Variants in VAC14 observed in about 807,000 individuals in gnomAD.
The protein encoded by VAC14 is VAC14 component of PIKFYVE complex, also known as protein VAC14 homolog.
A neutral mutation model predicts 85.3 loss-of-function variants in VAC14; 47 were observed. The observed-to-expected ratio is 0.55, with a 90% confidence interval of 0.44 to 0.70. The LOEUF (loss-of-function observed/expected upper bound fraction) is 0.70, where lower values mean the gene tolerates loss of function less well. VAC14 is among the 30% of genes least tolerant of loss of function. The probability of loss-of-function intolerance (pLI) is 0.00; values close to 1 mark genes in which losing one functional copy is unlikely to be tolerated. For missense variants in VAC14, 861 were observed against 1,004.3 expected (o/e 0.86, Z 1.93); for synonymous variants, 447 against 430.5 (o/e 1.04, Z -0.47).
chr16:70,799,762 C>T (rs529865375), intron 1 of VAC14, among the ~76,000 whole-genome samples: 1 of 152,292 alleles, frequency 6.6e-6, no homozygotes, highest in South Asian at 2.1e-4. Context: ...GAATGAATGT[C>T]ACACCACGGA....
At chr16:70,710,300 G>A (rs898627083) in intron 14 of VAC14, among the ~76,000 whole-genome samples, 1 of 152,238 alleles carries the variant, frequency 6.6e-6, no homozygotes, top group Non-Finnish European at 1.5e-5. Flanking sequence ...ATTCCCTGCA[G>A]CTTGTATGCC....
chr16:70,778,272 C>T (rs1276786531), intron 9 of VAC14, among the ~76,000 whole-genome samples: 1 of 152,178 alleles, frequency 6.6e-6, no homozygotes, highest in Non-Finnish European at 1.5e-5. Flanking sequence ...TACCACTGAA[C>T]CACCAATGCT....
intron 13 of VAC14, among the ~76,000 whole-genome samples, chr16:70,743,294 A>T (rs2030539428): frequency 6.6e-6 from 1 of 152,244 alleles, no homozygotes. Context: ...AAAATGGACT[A>T]ATCAGCACTC....
intron 13 of VAC14, among the ~76,000 whole-genome samples, chr16:70,732,017 CAA>C (rs2054605759): frequency 6.6e-6 from 1 of 152,106 alleles, no homozygotes; most frequent in Non-Finnish European, 1.5e-5. Flanking sequence ...GAAATACACT[CAA>C]GATCTATTTG....
intron 16 of VAC14, 128 bp downstream of exon 16, chr16:70,697,011 C>G (rs2053725716): frequency 1.4e-6 from 1 of 728,798 alleles, no homozygotes; most frequent in African/African-American, 1.7e-5. Flanking sequence ...GTCACAAGCC[C>G]TGAGGCTGAG....
rs1060499667 is a variant in VAC14 at position 70,697,199 on chromosome 16, G to A, written c.1895C>T (p.Thr632Met). The A allele has an allele frequency of 5.6e-6, 9 of 1,613,910 alleles. No homozygotes were observed. Among genetic ancestry groups the A allele is most frequent in the Admixed American group, 3.3e-5 (2 of 60,000 alleles). Residue 632 changes from threonine (T) to methionine (M), a missense_variant, in exon 16 of 19, where the codon ACG (threonine) becomes ATG (methionine). Coordinates refer to ENST00000261776, the MANE Select transcript of VAC14 (RefSeq NM_018052.5). Reference sequence around the variant, plus strand: ...CTGGGTGAGGAAGCAGAGGGACACCGTGGTGACTGGGTTGTGGCACCAGGA... The same window carrying A: ...CTGGGTGAGGAAGCAGAGGGACACCATGGTGACTGGGTTGTGGCACCAGGA... ...YRSWCHNPVT[T>M]VSLCFLTQNY...
intron 14 of VAC14, among the ~76,000 whole-genome samples, chr16:70,724,429 A>G (rs148312494): frequency 6.6e-6 from 1 of 152,332 alleles, no homozygotes; most frequent in East Asian, 1.9e-4. Context: ...GAACAATGGA[A>G]TGCAGGCTGG....
chr16:70,698,759 T>C lies in VAC14; in HGVS notation c.1714A>G (p.Ile572Val). Residue 572 changes from isoleucine (I) to valine (V), a missense_variant, in exon 15 of 19, where the codon ATC becomes GTC. Ile to Val is a conservative substitution (Grantham distance 29). Around this residue, in one of 3 missense-constraint regions of VAC14, gnomAD observed 69 missense variants for 139.0 expected, o/e 0.50. Coordinates refer to ENST00000261776, the MANE Select transcript of VAC14 (RefSeq NM_018052.5). ...AENIFHSMADILLREEDLKFA... is the reference protein window; with the variant it reads ...AENIFHSMADVLLREEDLKFA... ...TTGAGGTCCTCCTCCCGCAGCAGGA[T>C]GTCTGCCATTGAGTGGAAGATGTTC... The C allele has an allele frequency of 6.2e-7, 1 of 1,614,186 alleles. No homozygotes were observed. Among genetic ancestry groups the C allele is most frequent in the Non-Finnish European group, 8.5e-7 (1 of 1,180,022 alleles).
At chr16:70,773,510 C>T (rs1291066067) in intron 9 of VAC14, among the ~76,000 whole-genome samples, 1 of 152,176 alleles carries the variant, frequency 6.6e-6, no homozygotes, top group Non-Finnish European at 1.5e-5. Context: ...TCCTGTTCCG[C>T]CTTCAGTCCC....
intron 13 of VAC14, among the ~76,000 whole-genome samples, chr16:70,740,636 A>G (rs1410675522): frequency 6.6e-6 from 1 of 152,172 alleles, no homozygotes; most frequent in African/African-American, 2.4e-5. Context: ...GGAAATACAA[A>G]AGGAGGAGAC....
At chr16:70,707,116 C>T (rs2053935464) in intron 14 of VAC14, among the ~76,000 whole-genome samples, 1 of 152,222 alleles carries the variant, frequency 6.6e-6, no homozygotes, top group Non-Finnish European at 1.5e-5. Context: ...CCAGAACGCT[C>T]CAGAATCTCA....
At chr16:70,768,757 T>A (rs981283971) in intron 10 of VAC14, 26 of 450,548 alleles carry the variant, frequency 5.8e-5, no homozygotes, top group Non-Finnish European at 8.9e-5. Context: ...TCCATGGTGA[T>A]CCTTGAACCC....
intron 7 of VAC14, 29 bp downstream of exon 7, chr16:70,783,004 G>A (rs767004849): frequency 6.9e-6 from 11 of 1,600,250 alleles, no homozygotes; most frequent in East Asian, 6.7e-5. Flanking sequence ...AGTGGCAGCC[G>A]TGGCTGTGGG....
chr16:70,706,276 G>A (rs1453979695), intron 14 of VAC14, among the ~76,000 whole-genome samples: 2 of 152,238 alleles, frequency 1.3e-5, no homozygotes, highest in Non-Finnish European at 2.9e-5. Context: ...TCCCTCAGAG[G>A]CTGGGCTGGA....
chr16:70,695,633 C>T lies in VAC14; in HGVS notation c.1956-10G>A, dbSNP rs372837654. On this transcript the variant is annotated splice_polypyrimidine_tract_variant and intron_variant, in intron 16 of 18. Coordinates refer to ENST00000261776, the MANE Select transcript of VAC14 (RefSeq NM_018052.5). ...GACCTCCAGGTCCCCACTGGGTGTG[C>T]AGTCAAGGAAAGTCTGTCTGCTGGG... is the stretch of plus-strand genomic sequence containing the variant. 1.7e-5 allele frequency: 27 copies of T among 1,612,884 alleles called. No homozygotes were observed. The East Asian group carries it at 2.9e-4, about 17-fold the overall frequency.
In VAC14 at chr16:70,783,474, C is replaced by T; in HGVS notation, c.675G>A (p.Leu225=). The T allele has an allele frequency of 1.2e-6, 2 of 1,614,122 alleles. No homozygotes were observed. Among genetic ancestry groups the T allele is most frequent in the Non-Finnish European group, 1.7e-6 (2 of 1,180,036 alleles). Residue 225 remains leucine (L), a synonymous_variant, in exon 6 of 19, where the codon CTG becomes CTA. Coordinates refer to ENST00000261776, the MANE Select transcript of VAC14 (RefSeq NM_018052.5). ...TGCGAATCTCTTTGCCATTGTCACC[C>T]AGGATCTGGAAGAGTCCATCCAGGA... is the stretch of plus-strand genomic sequence containing the variant. ...PEILDGLFQI[L]GDNGKEIRKM... is the part of the protein sequence containing the mutation.
intron 9 of VAC14, 98 bp from the exon 10 acceptor site, chr16:70,772,270 C>A: frequency 9.6e-7 from 1 of 1,038,920 alleles, no homozygotes; most frequent in Non-Finnish European, 1.5e-6. Context: ...CTCCAGAGCC[C>A]CATACCTTGA....
intron 12 of VAC14, among the ~76,000 whole-genome samples, chr16:70,755,607 G>A (rs76011585): frequency 0.01 from 1,524 of 152,342 alleles, 30 homozygotes; most frequent in African/African-American, 0.036. Flanking sequence ...AGACACAGAT[G>A]CAATGCACTC....
Position 70,692,823 on chromosome 16 carries a change from G to C in VAC14, c.2184C>G (p.Thr728=). ...QCVPNPELLQ[T]EDSLKAAPKS... is the part of the protein sequence containing the mutation. ...AGCAGTCCCCAGCCGGCACTCACTC[G>C]GTCTGCAGCAGCTCAGGGTTGGGCA... Residue 728 remains threonine (T), a splice_region_variant and synonymous_variant, in exon 18 of 19, where the codon ACC becomes ACG. Coordinates refer to ENST00000261776, the MANE Select transcript of VAC14 (RefSeq NM_018052.5). 1 of 1,598,030 alleles carries C rather than the reference G, an allele frequency of 6.3e-7. No individual in the cohort carries two copies. Among genetic ancestry groups the C allele is most frequent in the Non-Finnish European group, 8.5e-7 (1 of 1,174,866 alleles).
Sources: allele counts gnomAD v4.1 joint callset (sites outside exome capture counted in the v4.1 genomes callset), GRCh38; gene constraint gnomAD v4.1.1; regional missense constraint gnomAD v4.1.1; transcripts MANE v1.5; gene names NCBI Gene and HGNC (gene_info 2026-07-23, HGNC 2026-07-21).